The following DSCAM variants were observed in gnomAD, a reference collection of about 807,000 sequenced individuals.
The protein encoded by DSCAM is cell adhesion molecule DSCAM.
In DSCAM, 47 loss-of-function variants were observed where a neutral mutation model predicts 217.7. The ratio of observed to expected loss-of-function variants is 0.22; its 90% CI spans 0.17 to 0.28. The LOEUF (loss-of-function observed/expected upper bound fraction) is 0.28, where lower values mean the gene tolerates loss of function less well. Ranked by LOEUF, DSCAM falls within the 10% of genes least tolerant of loss-of-function variation. DSCAM has a pLI of 1.00. For missense variants in DSCAM, 2,080 were observed against 2,618.3 expected (o/e 0.79, Z 4.49); for synonymous variants, 1,056 against 1,015.3 (o/e 1.04, Z -0.76).
At chr21:40,803,538 T>G (rs1222092481) in intron 1 of DSCAM, among the ~76,000 whole-genome samples, 1 of 152,210 alleles carries the variant, frequency 6.6e-6, no homozygotes, top group East Asian at 1.9e-4. Context: ...TAGTCACTGA[T>G]CTCGGGCCCC....
intron 20 of DSCAM, among the ~76,000 whole-genome samples, chr21:40,110,220 T>C (rs1165459767): frequency 1.3e-5 from 2 of 152,140 alleles, no homozygotes; most frequent in Admixed American, 6.5e-5. Context: ...AGACAAAATT[T>C]CCACAGGAAA....
intron 3 of DSCAM, among the ~76,000 whole-genome samples, chr21:40,682,971 C>T (rs971420126): frequency 6.6e-5 from 10 of 151,886 alleles, no homozygotes; most frequent in East Asian, 1.9e-4. Flanking sequence ...GGCCCCTAAT[C>T]GGATAGAATT....
intron 3 of DSCAM, among the ~76,000 whole-genome samples, chr21:40,594,175 T>C (rs931330125): frequency 6.6e-6 from 1 of 152,000 alleles, no homozygotes; most frequent in Admixed American, 6.5e-5. Context: ...TGGGATAAAG[T>C]CAAAAAAGGG....
At chr21:40,402,731 A>G (rs1601615876) in intron 3 of DSCAM, among the ~76,000 whole-genome samples, 1 of 152,050 alleles carries the variant, frequency 6.6e-6, no homozygotes, top group East Asian at 1.9e-4. Context: ...TCTTGAAGGA[A>G]AAATTCAATT....
At chr21:40,725,141 T>C (rs1020493335) in intron 1 of DSCAM, among the ~76,000 whole-genome samples, 1 of 152,234 alleles carries the variant, frequency 6.6e-6, no homozygotes, top group African/African-American at 2.4e-5. Context: ...GTATGACTTC[T>C]TTTGGCTTTC....
chr21:40,554,196 G>GTTTT (rs113016250), intron 3 of DSCAM, among the ~76,000 whole-genome samples: 1 of 132,594 alleles, frequency 7.5e-6, no homozygotes, highest in African/African-American at 2.7e-5. Context: ...TTGATTGTTA[G>GTTTT]TTTTTTTTTT....
intron 1 of DSCAM, among the ~76,000 whole-genome samples, chr21:40,808,497 A>G (rs539387471): frequency 6.9e-6 from 1 of 144,074 alleles, no homozygotes; most frequent in Admixed American, 7.1e-5. Context: ...TTTTTGAGAC[A>G]TAGTCTCTCT....
chr21:40,096,248 G>A (rs112906607), intron 20 of DSCAM, among the ~76,000 whole-genome samples: 52 of 151,942 alleles, frequency 3.4e-4, no homozygotes, highest in Non-Finnish European at 6.6e-4. Flanking sequence ...GAGTTGTCCC[G>A]CCTTTGCTTC....
intron 3 of DSCAM, among the ~76,000 whole-genome samples, chr21:40,530,329 CA>C (rs1471671969): frequency 6.6e-6 from 1 of 152,104 alleles, no homozygotes; most frequent in Non-Finnish European, 1.5e-5. Flanking sequence ...TGTTGATAAA[CA>C]AAACTACAGG....
At chr21:40,327,066 GC>G (rs2074325547) in intron 8 of DSCAM, among the ~76,000 whole-genome samples, 6 of 151,890 alleles carry the variant, frequency 4.0e-5, no homozygotes, top group Admixed American at 3.3e-4. Context: ...TTGAGTCAAT[GC>G]ATATAAAAGA....
At position 40,627,250 on chromosome 21, in the gene DSCAM, T is replaced by G. The variant is rs114904730; in HGVS notation, c.508+65560A>C. The stretch of plus-strand genomic sequence containing the variant: ...AAAGAACTAGGAGAGGACTGAAAAA[T>G]TGATAACAGATTTAAGTTGGGAGAT... On this transcript the variant is annotated intron_variant, in intron 3 of 32. Coordinates refer to ENST00000400454, the MANE Select transcript of DSCAM (RefSeq NM_001389.5). 8.0e-3 allele frequency among the ~76,000 whole-genome samples: 1,217 copies of G among 152,196 alleles called. 18 individuals carry two copies. The highest frequency in any genetic ancestry group is 0.027 in the African/African-American group (1,142 of 41,528).
chr21:40,364,432 A>G lies in DSCAM; in HGVS notation c.655+4667T>C, dbSNP rs1452338673. Among the ~76,000 whole-genome samples, 8 of 151,890 alleles carry G rather than the reference A, an allele frequency of 5.3e-5. No individual in the cohort carries two copies. In the South Asian group the frequency reaches 1.3e-3, roughly 24 times the overall value. The stretch of plus-strand genomic sequence containing the variant: ...TCTCAGCAAACTGTCGCAAGGACAA[A>G]AAACCAAACACCGCATGTTCTCACT... On this transcript the variant is annotated intron_variant, in intron 4 of 32. Transcript: ENST00000400454.
chr21:40,055,868 A>T, intron 28 of DSCAM, 28 bp from the exon 29 acceptor site: 5 of 1,551,858 alleles, frequency 3.2e-6, no homozygotes, highest in Non-Finnish European at 4.5e-6. Flanking sequence ...TAATGCATTA[A>T]CAAATCCAGT....
At chr21:40,561,881 AC>A in intron 3 of DSCAM, among the ~76,000 whole-genome samples, 1 of 152,326 alleles carries the variant, frequency 6.6e-6, no homozygotes. Context: ...CCCTTTGTAT[AC>A]ACTCCAATTT....
intron 3 of DSCAM, among the ~76,000 whole-genome samples, chr21:40,443,802 TG>T (rs1340222694): frequency 6.6e-6 from 1 of 152,180 alleles, no homozygotes; most frequent in African/African-American, 2.4e-5. Context: ...ACAAGTGACA[TG>T]AAATGAAATA....
intron 11 of DSCAM, among the ~76,000 whole-genome samples, chr21:40,256,464 C>T (rs1026061046): frequency 6.6e-6 from 1 of 151,458 alleles, no homozygotes; most frequent in Admixed American, 6.6e-5. Flanking sequence ...CACACACACA[C>T]AAAGAGACAG....
At chr21:40,761,009 C>T (rs1389599297) in intron 1 of DSCAM, among the ~76,000 whole-genome samples, 2 of 152,176 alleles carry the variant, frequency 1.3e-5, no homozygotes, top group Admixed American at 6.5e-5. Flanking sequence ...GGCTCTTTGC[C>T]TTCCTTCTTC....
At chr21:40,573,619 T>G (rs921453106) in intron 3 of DSCAM, among the ~76,000 whole-genome samples, 1 of 151,808 alleles carries the variant, frequency 6.6e-6, no homozygotes, top group African/African-American at 2.4e-5. Flanking sequence ...TTTAATAAGC[T>G]AAGAAAAACA....
chr21:40,497,660 G>GTTAC (rs1451909724), intron 3 of DSCAM, among the ~76,000 whole-genome samples: 1 of 152,148 alleles, frequency 6.6e-6, no homozygotes, highest in Non-Finnish European at 1.5e-5. Context: ...TAATGCATAG[G>GTTAC]TTAATTAGCT....
Sources: gnomAD v4.1 joint callset for allele counts (sites outside exome capture counted in the v4.1 genomes callset) on GRCh38, gnomAD v4.1.1 for gene constraint, MANE v1.5 for transcripts, NCBI Gene and HGNC (gene_info 2026-07-23, HGNC 2026-07-21) for gene names.